Variants in GPR137 observed in about 807,000 individuals in gnomAD.
GPR137 encodes the protein integral membrane protein GPR137.
Under a neutral mutation model 38.9 loss-of-function variants are expected in GPR137, and 20 were observed. The observed-to-expected ratio is 0.51, with a 90% CI of 0.36 to 0.75. The LOEUF (loss-of-function observed/expected upper bound fraction) is 0.75, where lower values mean the gene tolerates loss of function less well. Ranked by LOEUF, GPR137 falls within the 30% of genes least tolerant of loss-of-function variation. GPR137 has a pLI of 0.00. For synonymous variants in GPR137, 226 were observed against 235.8 expected (o/e 0.96, Z 0.38); for missense variants, 456 against 526.4 (o/e 0.87, Z 1.31).
upstream of GPR137, chr11:64,284,592 G>T (rs2033728401): frequency 1.3e-6 from 2 of 1,497,746 alleles, no homozygotes; most frequent in Non-Finnish European, 1.8e-6. Context: ...GGTGGACCCA[G>T]GCCCCGCCCC....
At position 64,288,851 on chromosome 11, in the gene GPR137, G is replaced by A. The variant is rs562065385; in HGVS notation, c.1031+130G>A. ...TGCCATGGCCTTTGCTTCCCCATCT[G>A]TACTAGGTGAGGTCCCCTGGGTTCC... is the stretch of plus-strand genomic sequence containing the variant. On this transcript the variant is annotated intron_variant, in intron 6 of 6. Transcript: ENST00000438980. The surrounding 1 kb of genome is among the most constrained non-coding windows in gnomAD (Gnocchi z 5.5). 2.1e-6 allele frequency: 3 copies of A among 1,443,926 alleles called. No homozygotes were observed. The highest frequency in any genetic ancestry group is 5.5e-5 in the Admixed American group (2 of 36,062). The allele number at this position is 1,443,926 out of a possible 1,614,324, so 89.4% of individuals were successfully genotyped here.
At chr11:64,273,939 C>G (rs1042710233), upstream of GPR137, among the ~76,000 whole-genome samples, 1 of 146,964 alleles carries the variant, frequency 6.8e-6, no homozygotes, top group African/African-American at 2.5e-5. Flanking sequence ...GTCAGGGAGG[C>G]TCTTTGGAGG....
At chr11:64,271,559 G>A, upstream of GPR137, 2 of 1,362,996 alleles carry the variant, frequency 1.5e-6, no homozygotes, top group Non-Finnish European at 1.9e-6. Context: ...GGGACAGACC[G>A]GCGGGGGGCG....
At chr11:64,279,936 C>T (rs1288858745), upstream of GPR137, among the ~76,000 whole-genome samples, 1 of 151,972 alleles carries the variant, frequency 6.6e-6, no homozygotes, top group Non-Finnish European at 1.5e-5. Context: ...GTAATCCCAG[C>T]ACTTTGTGAG....
chr11:64,270,900 GACACACAC>G (rs71045754), upstream of GPR137, among the ~76,000 whole-genome samples: 10,901 of 87,678 alleles, frequency 0.12, 721 homozygotes, highest in Non-Finnish European at 0.17. Flanking sequence ...TGCCCTGTGA[GACACACAC>G]ACACACACAC....
chr11:64,279,520 AT>A (rs2033288678), upstream of GPR137, among the ~76,000 whole-genome samples: 1 of 152,112 alleles, frequency 6.6e-6, no homozygotes, highest in Admixed American at 6.6e-5. Flanking sequence ...TAATCCCAGC[AT>A]TTTGGGAGGC....
intron 2 of GPR137, 48 bp from the exon 3 acceptor site, chr11:64,287,673 A>C (rs2034254998): frequency 6.3e-7 from 1 of 1,592,968 alleles, no homozygotes; most frequent in Admixed American, 1.7e-5. Flanking sequence ...GCAGGTGGTG[A>C]GTGCTGAGGG....
upstream of GPR137, among the ~76,000 whole-genome samples, chr11:64,274,374 G>T (rs2032888200): frequency 7.0e-6 from 1 of 143,308 alleles, no homozygotes; most frequent in Non-Finnish European, 1.5e-5. Flanking sequence ...GTGACAGAGT[G>T]AAACTCTACC....
At chr11:64,284,141 G>T, upstream of GPR137, 1 of 1,531,284 alleles carries the variant, frequency 6.5e-7, no homozygotes, top group South Asian at 1.3e-5. Flanking sequence ...AGTGGGCTGG[G>T]GGTGAGGTGT....
intron 1 of GPR137, among the ~76,000 whole-genome samples, chr11:64,276,146 C>A (rs979331318): frequency 1.3e-5 from 2 of 152,116 alleles, no homozygotes; most frequent in African/African-American, 4.8e-5. Flanking sequence ...CCAGTTCTGC[C>A]AGGAACCTGT....
upstream of GPR137, among the ~76,000 whole-genome samples, chr11:64,275,220 G>A (rs1014235968): frequency 3.3e-5 from 5 of 151,870 alleles, no homozygotes; most frequent in Non-Finnish European, 7.4e-5. Context: ...ACAGCCAGGC[G>A]TGGCGGCTCA....
chr11:64,276,298 T>TTGTGTATGTG (rs2033054273), intron 1 of GPR137: 1 of 146,110 alleles, frequency 6.8e-6, no homozygotes, highest in East Asian at 2.1e-4. Context: ...GTGTATATAT[T>TTGTGTATGTG]TGTGTGTGTG....
chr11:64,271,821 G>GT, upstream of GPR137: 1 of 1,375,594 alleles, frequency 7.3e-7, no homozygotes, highest in African/African-American at 1.5e-5. Flanking sequence ...GGGTCAGTGG[G>GT]TAGGGGGGCG....
In GPR137 at chr11:64,289,368, TGGG is replaced by T. The variant is rs751647893; in HGVS notation, c.*176_*178del. On this transcript the variant is annotated 3_prime_UTR_variant, in exon 7 of 7. Coordinates refer to ENST00000438980, the MANE Select transcript of GPR137 (RefSeq NM_001170880.2). Reference sequence around the variant, plus strand: ...GTGAGCTTGTGCCGTCCCCCTAGGATGGGGGGCATGGCCCTGGCTGCCAGATGC... The same window carrying T: ...GTGAGCTTGTGCCGTCCCCCTAGGATGGGCATGGCCCTGGCTGCCAGATGC... 6.4e-6 allele frequency: 10 copies of T among 1,572,834 alleles called. No individual in the cohort carries two copies. In the African/African-American group the frequency reaches 1.2e-4, roughly 19 times the overall value.
At chr11:64,284,446 G>A, upstream of GPR137, 1 of 1,602,680 alleles carries the variant, frequency 6.2e-7, no homozygotes, top group Non-Finnish European at 8.5e-7. Context: ...GGCAGAGGCA[G>A]GTACCCCTGG....
At chr11:64,279,762 C>CAAA (rs35718358), upstream of GPR137, among the ~76,000 whole-genome samples, 22 of 103,692 alleles carry the variant, frequency 2.1e-4, no homozygotes, top group Admixed American at 9.5e-4. Flanking sequence ...GACTCTATCT[C>CAAA]AAAAAAAAAA....
chr11:64,277,664 C>T (rs1444949941), intron 2 of GPR137, among the ~76,000 whole-genome samples: 1 of 152,108 alleles, frequency 6.6e-6, no homozygotes, highest in Non-Finnish European at 1.5e-5. Flanking sequence ...GTCTCGAACT[C>T]CTGAGCTCAA....
chr11:64,277,456 G>T (rs757964805), intron 2 of GPR137, among the ~76,000 whole-genome samples: 1 of 152,162 alleles, frequency 6.6e-6, no homozygotes, highest in African/African-American at 2.4e-5. Flanking sequence ...TTAAAAAACA[G>T]CGACAGGGTC....
upstream of GPR137, among the ~76,000 whole-genome samples, chr11:64,281,401 C>T (rs1270123584): frequency 1.3e-5 from 2 of 152,246 alleles, no homozygotes; most frequent in Non-Finnish European, 2.9e-5. Flanking sequence ...TCACCACCTC[C>T]CTGGTGACTC....
Sources: allele counts gnomAD v4.1 joint callset (sites outside exome capture counted in the v4.1 genomes callset), GRCh38; gene constraint gnomAD v4.1.1; non-coding constraint Gnocchi (gnomAD v3.1); transcripts MANE v1.5; gene names NCBI Gene and HGNC (gene_info 2026-07-23, HGNC 2026-07-21).